STARD13: variants seen among roughly 807,000 people sequenced by gnomAD.
STARD13 encodes the protein StAR related lipid transfer domain containing 13, also known as stAR-related lipid transfer protein 13.
In STARD13, 62 loss-of-function variants were observed where a neutral mutation model predicts 106.4. The ratio of observed to expected loss-of-function variants is 0.58; its 90% CI spans 0.48 to 0.72. The LOEUF is 0.72. STARD13 is among the 30% of genes least tolerant of loss of function. The pLI, the probability that STARD13 is intolerant of heterozygous loss-of-function variation, is 0.00. For missense variants in STARD13, 1,387 were observed against 1,424.0 expected, an observed-to-expected ratio of 0.97 and a Z score of 0.42; for synonymous variants, 565 against 553.0, an observed-to-expected ratio of 1.02 and a Z score of -0.31.
At chr13:33,156,528 A>G (rs953513636) in intron 3 of STARD13, among the ~76,000 whole-genome samples, 1 of 152,284 alleles carries the variant, frequency 6.6e-6, no homozygotes, top group East Asian at 1.9e-4. Flanking sequence ...TAAAAAAACT[A>G]AAAGTTCAAA....
intron 3 of STARD13, among the ~76,000 whole-genome samples, chr13:33,160,536 C>A (rs187775054): frequency 5.4e-4 from 82 of 152,264 alleles, no homozygotes; most frequent in Middle Eastern, 6.8e-3. Context: ...TTACAAAACA[C>A]ATTTCTGACA....
At chr13:33,438,603 G>T in the STARD13 span, among the ~76,000 whole-genome samples, 1 of 152,124 alleles carries the variant, frequency 6.6e-6, no homozygotes, top group South Asian at 2.1e-4. Context: ...GAGCTGATAG[G>T]TTCGGCACAC....
chr13:33,107,052 G>A, intron 12 of STARD13, 118 bp from the exon 13 acceptor site: 1 of 921,308 alleles, frequency 1.1e-6, no homozygotes, highest in Non-Finnish European at 1.6e-6. Context: ...AGATTCCAAT[G>A]CTAGTGACTT....
chr13:33,247,751 C>G (rs1413840120), intron 1 of STARD13, among the ~76,000 whole-genome samples: 1 of 152,190 alleles, frequency 6.6e-6, no homozygotes. Context: ...ACTCACTCTA[C>G]TGCTATCGCC....
chr13:33,443,745 G>T, the STARD13 span, among the ~76,000 whole-genome samples: 2 of 151,802 alleles, frequency 1.3e-5, no homozygotes, highest in Non-Finnish European at 2.9e-5. Flanking sequence ...TTAGCTGGAC[G>T]TGGTGATGTG....
chr13:33,672,519 C>G, the STARD13 span, among the ~76,000 whole-genome samples: 1 of 152,158 alleles, frequency 6.6e-6, no homozygotes, highest in Non-Finnish European at 1.5e-5. Context: ...TATCCCAGAA[C>G]TTAAAATAAA....
intron 7 of STARD13, among the ~76,000 whole-genome samples, chr13:33,120,348 T>G (rs1876086965): frequency 6.6e-6 from 1 of 152,244 alleles, no homozygotes; most frequent in Non-Finnish European, 1.5e-5. Flanking sequence ...ATCTTTGTAT[T>G]GTTTGGTTTC....
the STARD13 span, among the ~76,000 whole-genome samples, chr13:33,469,500 T>G: frequency 6.6e-6 from 1 of 152,154 alleles, no homozygotes; most frequent in Non-Finnish European, 1.5e-5. Context: ...GAAATAAACA[T>G]AAAGCTGAAA....
the STARD13 span, among the ~76,000 whole-genome samples, chr13:33,501,078 C>CTTTTTTTTTTTT: frequency 1.1e-5 from 1 of 94,096 alleles, no homozygotes; most frequent in African/African-American, 5.3e-5. Context: ...TCTCTCTCTC[C>CTTTTTTTTTTTT]TTTTTTTTTT....
the STARD13 span, among the ~76,000 whole-genome samples, chr13:33,664,773 C>A: frequency 6.6e-6 from 1 of 152,138 alleles, no homozygotes; most frequent in Non-Finnish European, 1.5e-5. Context: ...ACTACAGGCC[C>A]CCGCCACCAC....
the STARD13 span, among the ~76,000 whole-genome samples, chr13:33,361,098 C>A: frequency 1.3e-5 from 2 of 151,494 alleles, no homozygotes; most frequent in African/African-American, 4.9e-5. Context: ...AACCACCGCG[C>A]CTGGCCTGGA....
Position 33,106,907 on chromosome 13 carries a change from T to A in STARD13, c.3075A>T (p.Gly1025=). 2.5e-6 allele frequency: 4 copies of A among 1,613,644 alleles called. No individual in the cohort carries two copies. The highest frequency in any genetic ancestry group is 3.4e-6 in the Non-Finnish European group (4 of 1,179,770). The change falls in exon 13 of 14, where the codon GGA becomes GGT. Residue 1025 remains glycine (G), a synonymous_variant. Transcript: ENST00000336934. ...CGGAGAGGGACACCAGGGTACACAT[T>A]CCTTTGGGCAAATCAGTTTTCCAGG... ...LRTWKTDLPK[G]MCTLVSLSVE...
chr13:33,620,902 A>C, the STARD13 span, among the ~76,000 whole-genome samples: 8 of 151,770 alleles, frequency 5.3e-5, no homozygotes, highest in East Asian at 1.5e-3. Context: ...TAAATCCAAA[A>C]GGAAATATTA....
the STARD13 span, among the ~76,000 whole-genome samples, chr13:33,657,673 C>T: frequency 5.9e-5 from 9 of 152,206 alleles, no homozygotes; most frequent in South Asian, 2.1e-4. Flanking sequence ...TAACATCCTT[C>T]GAAATGTTTA....
chr13:33,486,988 A>G, the STARD13 span, among the ~76,000 whole-genome samples: 1 of 152,360 alleles, frequency 6.6e-6, no homozygotes, highest in East Asian at 1.9e-4. Flanking sequence ...AACTCACCGT[A>G]GCCTGGAATA....
intron 7 of STARD13, among the ~76,000 whole-genome samples, chr13:33,123,602 CACT>C (rs1417992267): frequency 2.6e-5 from 4 of 152,230 alleles, no homozygotes; most frequent in African/African-American, 4.8e-5. Flanking sequence ...TCCTCTTACA[CACT>C]ACTATGTCTG....
intron 1 of STARD13, chr13:33,349,275 C>A: frequency 1.4e-6 from 1 of 700,872 alleles, no homozygotes; most frequent in Admixed American, 2.0e-5. Context: ...ACCTCAGGGG[C>A]CCTTCCAATC....
chr13:33,503,906 A>C, the STARD13 span, among the ~76,000 whole-genome samples: 1 of 152,212 alleles, frequency 6.6e-6, no homozygotes, highest in Non-Finnish European at 1.5e-5. Flanking sequence ...CAAATTTACA[A>C]GAAAAAAATC....
chr13:33,628,999 T>C, the STARD13 span, among the ~76,000 whole-genome samples: 5 of 152,218 alleles, frequency 3.3e-5, no homozygotes, highest in Non-Finnish European at 7.3e-5. Flanking sequence ...GTGGGATCTT[T>C]TCAAAAGAGG....
Sources: gnomAD v4.1 joint callset for allele counts (sites outside exome capture counted in the v4.1 genomes callset) on GRCh38, gnomAD v4.1.1 for gene constraint, MANE v1.5 for transcripts, NCBI Gene and HGNC (gene_info 2026-07-23, HGNC 2026-07-21) for gene names.